SLC43A2: variants seen among roughly 807,000 people sequenced by gnomAD.
SLC43A2 encodes solute carrier family 43 member 2.
In SLC43A2, 38 loss-of-function variants were observed where a neutral mutation model predicts 63.2. The observed-to-expected ratio is 0.60, with a 90% CI of 0.46 to 0.79. The LOEUF (loss-of-function observed/expected upper bound fraction) is 0.79. Ranked by LOEUF, SLC43A2 falls within the 30% of genes least tolerant of loss-of-function variation. SLC43A2 has a pLI of 0.00. For missense variants in SLC43A2, 644 were observed against 756.2 expected (o/e 0.85, Z 1.74); for synonymous variants, 322 against 331.0 (o/e 0.97, Z 0.30).
rs2075956186 is a variant in SLC43A2, at chr17:1,577,726, G to A, written c.1424+524C>T. ...TCCTTTTATGTTTCTGGGGCTTCTT[G>A]GAAAAAGATACAGGTTTCATTTTAG... On this transcript the variant is annotated intron_variant, in intron 12 of 13. Transcript: ENST00000301335. The surrounding 1 kb of genome is among the most constrained non-coding windows in gnomAD (Gnocchi z 4.9). 6.6e-6 allele frequency among the ~76,000 whole-genome samples: 1 copy of A among 152,184 alleles called. No homozygotes were observed.
chr17:1,593,875 T>C lies in SLC43A2; in HGVS notation c.502-596A>G, dbSNP rs1294334625. Among the ~76,000 whole-genome samples the C allele has an allele frequency of 1.3e-5, 2 of 152,110 alleles. No homozygotes were observed. The highest frequency in any genetic ancestry group is 2.9e-5 in the Non-Finnish European group (2 of 68,026). On this transcript the variant is annotated intron_variant, in intron 5 of 13. Transcript: ENST00000301335. The surrounding 1 kb of genome is among the most constrained non-coding windows in gnomAD (Gnocchi z 5.3). ...TTGTTTTGAGATGGGGTTTTGCTCT[T>C]GTTCCCCAGGCTGGAGCGCAGTGGT...
intron 5 of SLC43A2, among the ~76,000 whole-genome samples, chr17:1,596,139 G>A (rs1421231153): frequency 1.3e-5 from 2 of 151,856 alleles, no homozygotes; most frequent in African/African-American, 4.8e-5. Context: ...GCCAACATGG[G>A]GAAACCCTAT....
At chr17:1,597,753 A>C (rs188912597) in intron 5 of SLC43A2, among the ~76,000 whole-genome samples, 6 of 151,650 alleles carry the variant, frequency 4.0e-5, no homozygotes, top group Admixed American at 3.3e-4. Context: ...GAGTCAAGAT[A>C]TCGCCACTGC....
In SLC43A2 at chr17:1,595,765, TG is replaced by T. The variant is rs1459634236; in HGVS notation, c.502-2487del. ...CGGCCTTTAATTATTTTTGTAGAGA[TG>T]GGGTCTCACTATATTGCCCAGGCTA... On this transcript the variant is annotated intron_variant, in intron 5 of 13. Coordinates refer to ENST00000301335, the MANE Select transcript of SLC43A2 (RefSeq NM_152346.3). Among the ~76,000 whole-genome samples the T allele has an allele frequency of 9.2e-5, 14 of 152,054 alleles. No individual in the cohort carries two copies. In the East Asian group the frequency reaches 2.7e-3, roughly 30 times the overall value.
rs181689110 is a variant in SLC43A2, at chr17:1,616,413, C to T, written c.368+149G>A. On this transcript the variant is annotated intron_variant, in intron 3 of 13. Transcript: ENST00000301335. ...ACCACAGTACCTGCTGATTCGGTGG[C>T]GGACGGGGTAGGAACTCCATTCTGG... 1.8e-4 allele frequency: 131 copies of T among 738,312 alleles called. No individual in the cohort carries two copies. In the East Asian group the frequency reaches 2.5e-3, roughly 14 times the overall value. 45.7% of individuals were successfully genotyped at this position (738,312 alleles called of 1,614,324 possible).
At chr17:1,625,651 C>T (rs1908597244) in intron 2 of SLC43A2, among the ~76,000 whole-genome samples, 1 of 152,184 alleles carries the variant, frequency 6.6e-6, no homozygotes, top group East Asian at 1.9e-4. Context: ...AATCAAGGAG[C>T]AGTGTGACCA....
rs772380260 is a variant in SLC43A2 at position 1,578,257 on chromosome 17, C to T, written c.1417G>A (p.Ala473Thr). The change falls in exon 12 of 14, where the codon GCT becomes ACT. Residue 473 changes from alanine (A) to threonine (T), a missense_variant. By Grantham distance (58) the Ala-to-Thr change is moderately conservative. Coordinates refer to ENST00000301335, the MANE Select transcript of SLC43A2 (RefSeq NM_152346.3). The surrounding 1 kb of genome is among the most constrained non-coding windows in gnomAD (Gnocchi z 6.5). ...FIHSAVGGLY[A>T]AVYPSTQFGS... ...GCGGCTTCCAGGACTTACACGGCAG[C>T]GTACAGGCCCCCGACAGCGGAGTGG... 5 of 1,613,500 alleles carry T rather than the reference C, an allele frequency of 3.1e-6. No individual in the cohort carries two copies. The highest frequency in any genetic ancestry group is 2.2e-5 in the South Asian group (2 of 91,064).
Position 1,605,247 on chromosome 17 carries a change from C to A in SLC43A2, c.501+7948G>T, listed in dbSNP as rs373406245. Reference sequence around the variant, plus strand: ...AAGCCCGTGACTCTCTCTCTTTCAGCCCCCTGGCTGCAGCATAAACAGGCC... The same window carrying A: ...AAGCCCGTGACTCTCTCTCTTTCAGACCCCTGGCTGCAGCATAAACAGGCC... On this transcript the variant is annotated intron_variant, in intron 5 of 13. Coordinates refer to ENST00000301335, the MANE Select transcript of SLC43A2 (RefSeq NM_152346.3). The surrounding 1 kb of genome is among the most constrained non-coding windows in gnomAD (Gnocchi z 4.9). The A allele has an allele frequency of 1.9e-6, 2 of 1,071,714 alleles. No homozygotes were observed. The allele number at this position is 1,071,714 out of a possible 1,614,324, so 66.4% of individuals were successfully genotyped here.
chr17:1,618,768 C>T (rs983027615), intron 2 of SLC43A2, among the ~76,000 whole-genome samples: 2 of 152,134 alleles, frequency 1.3e-5, no homozygotes, highest in Non-Finnish European at 2.9e-5. Context: ...GTGGATCGCC[C>T]GAGGTCAGGA....
intron 5 of SLC43A2, among the ~76,000 whole-genome samples, chr17:1,594,046 C>T (rs1162738136): frequency 6.6e-6 from 1 of 152,104 alleles, no homozygotes; most frequent in African/African-American, 2.4e-5. Context: ...ACCATGTTGG[C>T]CAGGCTGATC....
chr17:1,587,409 G>GC (rs1166273627), intron 9 of SLC43A2, among the ~76,000 whole-genome samples: 2 of 152,230 alleles, frequency 1.3e-5, no homozygotes, highest in Non-Finnish European at 2.9e-5. Context: ...CAAAGAACCT[G>GC]CCCCTGATGC....
Position 1,575,527 on chromosome 17 carries a change from G to T in SLC43A2, c.*77C>A. The T allele has an allele frequency of 6.3e-7, 1 of 1,578,848 alleles. No homozygotes were observed. Among genetic ancestry groups the T allele is most frequent in the South Asian group, 1.1e-5 (1 of 90,280 alleles). On this transcript the variant is annotated 3_prime_UTR_variant, in exon 14 of 14. Coordinates refer to ENST00000301335, the MANE Select transcript of SLC43A2 (RefSeq NM_152346.3). Reference sequence around the variant, plus strand: ...GACGGCGAAGGTCCTGGGGGTGCGTGGGGTACTCTGGAGGGGCAGGACAGG... The same window carrying T: ...GACGGCGAAGGTCCTGGGGGTGCGTTGGGTACTCTGGAGGGGCAGGACAGG...
At chr17:1,607,756 C>T (rs1006384487) in intron 5 of SLC43A2, among the ~76,000 whole-genome samples, 1 of 152,006 alleles carries the variant, frequency 6.6e-6, no homozygotes, top group Non-Finnish European at 1.5e-5. Context: ...CGCTCTGTCA[C>T]CCATGCTGGA....
At chr17:1,588,697 C>CA (rs35780448) in intron 9 of SLC43A2, among the ~76,000 whole-genome samples, 74 of 89,110 alleles carry the variant, frequency 8.3e-4, no homozygotes, top group African/African-American at 2.7e-3. Flanking sequence ...GACCCCAACT[C>CA]AAAAAAAAAA....
intron 9 of SLC43A2, chr17:1,586,901 AG>A: frequency 1.3e-6 from 2 of 1,526,118 alleles, no homozygotes; most frequent in Non-Finnish European, 1.8e-6. Flanking sequence ...ACTGGCTGGG[AG>A]GGGACATCAC....
At chr17:1,614,895 T>A in intron 4 of SLC43A2, 84 bp downstream of exon 4, 1 of 1,378,140 alleles carries the variant, frequency 7.3e-7, no homozygotes, top group Non-Finnish European at 1.0e-6. Context: ...CCCAGGACAG[T>A]GTCCAAGAGC....
intron 5 of SLC43A2, among the ~76,000 whole-genome samples, chr17:1,600,857 CTT>C (rs775488616): frequency 1.4e-5 from 2 of 143,392 alleles, no homozygotes; most frequent in Admixed American, 1.4e-4. Context: ...TGCGCCCAGA[CTT>C]TTTTTTTTTT....
intron 2 of SLC43A2, among the ~76,000 whole-genome samples, chr17:1,621,209 C>T (rs1003335985): frequency 6.6e-6 from 1 of 152,122 alleles, no homozygotes; most frequent in African/African-American, 2.4e-5. Flanking sequence ...GTGCTGTGGC[C>T]CCCCAGGCTC....
Position 1,628,046 on chromosome 17 carries a change from G to A in SLC43A2, c.-46-126C>T, listed in dbSNP as rs368349230. On this transcript the variant is annotated intron_variant, in intron 1 of 13. Transcript: ENST00000301335. ...TCCCCGGCCGCGGCGGCCGGTGCGC[G>A]CAGCAGAGGAAGCGAACCCCAGCCC... is the stretch of plus-strand genomic sequence containing the variant. 7.1e-5 allele frequency: 72 copies of A among 1,010,480 alleles called. No homozygotes were observed. The East Asian group carries it at 1.7e-3, about 23-fold the overall frequency. The allele number at this position is 1,010,480 out of a possible 1,614,324, so 62.6% of individuals were successfully genotyped here.
Sources: allele counts gnomAD v4.1 joint callset (sites outside exome capture counted in the v4.1 genomes callset), GRCh38; gene constraint gnomAD v4.1.1; non-coding constraint Gnocchi (gnomAD v3.1); transcripts MANE v1.5; gene names NCBI Gene and HGNC (gene_info 2026-07-23, HGNC 2026-07-21).